The following FAM13C variants were observed in gnomAD, a reference collection of about 807,000 sequenced individuals.
FAM13C encodes protein FAM13C.
FAM13C carries 37 observed loss-of-function variants against 73.2 expected under a neutral mutation model. The ratio of observed to expected loss-of-function variants is 0.51; its 90% CI spans 0.39 to 0.67. The LOEUF (loss-of-function observed/expected upper bound fraction) is 0.67, where lower values mean the gene tolerates loss of function less well. Ranked by LOEUF, FAM13C falls within the 30% of genes least tolerant of loss-of-function variation. The probability of loss-of-function intolerance (pLI) is 0.00; values close to 1 mark genes in which losing one functional copy is unlikely to be tolerated. For synonymous variants in FAM13C, 246 were observed against 260.9 expected (o/e 0.94, Z 0.55); for missense variants, 589 against 715.6 (o/e 0.82, Z 2.02).
rs1841534301 is a variant in FAM13C, at chr10:59,252,903, G to A, written c.1428C>T (p.Leu476=). 3 of 1,614,126 alleles carry A rather than the reference G, an allele frequency of 1.9e-6. No individual in the cohort carries two copies. Among genetic ancestry groups the A allele is most frequent in the Non-Finnish European group, 2.5e-6 (3 of 1,180,012 alleles). The change falls in exon 12 of 14, where the codon CTC becomes CTT. Residue 476 remains leucine, a synonymous_variant. Transcript: ENST00000618804. Reference sequence around the variant, plus strand: ...CAGGCTCAGTCTCATTAGAGTAGGTGAGGTGGTCACCAACAGGAAGGTGAG... The same window carrying A: ...CAGGCTCAGTCTCATTAGAGTAGGTAAGGTGGTCACCAACAGGAAGGTGAG... ...PASHLPVGDH[L]TYSNETEPVR...
chr10:59,336,349 T>C (rs1246562027), intron 3 of FAM13C, among the ~76,000 whole-genome samples: 1 of 152,196 alleles, frequency 6.6e-6, no homozygotes. Flanking sequence ...TATTAAAGTG[T>C]TGGAAATATG....
rs768651858 is a variant in FAM13C at position 59,252,886 on chromosome 10, G to A, written c.1445C>T (p.Thr482Ile). The change falls in exon 12 of 14, where the codon ACT (threonine) becomes ATT (isoleucine). Residue 482 changes from threonine to isoleucine, a missense_variant. By Grantham distance (89) the Thr-to-Ile change is moderately conservative. Coordinates refer to ENST00000618804, the MANE Select transcript of FAM13C (RefSeq NM_198215.4). ...VGDHLTYSNE[T>I]EPVRALLPDE... ...TGGTAAAAGGGCCCTAACAGGCTCA[G>A]TCTCATTAGAGTAGGTGAGGTGGTC... 1.9e-6 allele frequency: 3 copies of A among 1,614,164 alleles called. No homozygotes were observed. The highest frequency in any genetic ancestry group is 3.3e-5 in the Admixed American group (2 of 60,016).
At chr10:59,327,424 C>T (rs1208155690) in intron 3 of FAM13C, among the ~76,000 whole-genome samples, 1 of 152,096 alleles carries the variant, frequency 6.6e-6, no homozygotes, top group East Asian at 1.9e-4. Context: ...CATGAGAAGC[C>T]AAGGCTTACT....
chr10:59,344,118 C>G (rs779037793), intron 3 of FAM13C, among the ~76,000 whole-genome samples: 72 of 151,302 alleles, frequency 4.8e-4, no homozygotes, highest in Non-Finnish European at 9.9e-4. Context: ...CCCGCCACCA[C>G]GCCCAGCTAA....
intron 5 of FAM13C, among the ~76,000 whole-genome samples, chr10:59,299,914 T>C (rs1267223551): frequency 6.6e-6 from 1 of 152,048 alleles, no homozygotes; most frequent in Non-Finnish European, 1.5e-5. Flanking sequence ...ACAAAAAATG[T>C]GGAATAAAAA....
At chr10:59,338,402 T>G (rs1853038144) in intron 3 of FAM13C, among the ~76,000 whole-genome samples, 1 of 152,150 alleles carries the variant, frequency 6.6e-6, no homozygotes, top group African/African-American at 2.4e-5. Context: ...TGTCGGTTGT[T>G]AAAGGAATGA....
At chr10:59,357,786 C>T (rs888933624) in intron 1 of FAM13C, among the ~76,000 whole-genome samples, 8 of 152,112 alleles carry the variant, frequency 5.3e-5, no homozygotes, top group Non-Finnish European at 8.8e-5. Flanking sequence ...TTCTAAAGGA[C>T]ACAAAATTTG....
chr10:59,328,187 T>C (rs548211111), intron 3 of FAM13C, among the ~76,000 whole-genome samples: 2 of 152,314 alleles, frequency 1.3e-5, no homozygotes, highest in South Asian at 4.1e-4. Flanking sequence ...AAGAAAGCTG[T>C]CCATGAAGCA....
chr10:59,316,195 A>G (rs1014510558), intron 4 of FAM13C, among the ~76,000 whole-genome samples: 1 of 152,108 alleles, frequency 6.6e-6, no homozygotes, highest in African/African-American at 2.4e-5. Context: ...TCAGGCTCCC[A>G]AAGTGCTGAG....
At chr10:59,318,400 TTATCTG>T (rs538733771) in intron 4 of FAM13C, among the ~76,000 whole-genome samples, 75 of 152,268 alleles carry the variant, frequency 4.9e-4, no homozygotes, top group African/African-American at 1.7e-3. Context: ...GGAATTATTT[TTATCTG>T]TATCTTCAGG....
intron 1 of FAM13C, among the ~76,000 whole-genome samples, chr10:59,360,012 T>C (rs571584494): frequency 4.6e-5 from 7 of 152,248 alleles, no homozygotes; most frequent in African/African-American, 1.7e-4. Context: ...GATGAAAACA[T>C]TGGGGTGGAA....
chr10:59,347,344 A>T (rs1589705566), intron 3 of FAM13C, among the ~76,000 whole-genome samples: 1 of 152,270 alleles, frequency 6.6e-6, no homozygotes, highest in South Asian at 2.1e-4. Context: ...TTCTTATATA[A>T]GTGGTCATTG....
chr10:59,331,573 T>C (rs1406226404), intron 3 of FAM13C, among the ~76,000 whole-genome samples: 1 of 152,140 alleles, frequency 6.6e-6, no homozygotes, highest in Non-Finnish European at 1.5e-5. Flanking sequence ...CTGAATATTA[T>C]AAGTAAGGCA....
intron 10 of FAM13C, among the ~76,000 whole-genome samples, chr10:59,258,847 T>C (rs1382939832): frequency 2.6e-5 from 4 of 152,166 alleles, no homozygotes; most frequent in African/African-American, 9.7e-5. Context: ...TATTGATTTT[T>C]TCCAGATAAA....
At chr10:59,361,191 G>A in intron 1 of FAM13C, 1 of 954,316 alleles carries the variant, frequency 1.0e-6, no homozygotes. Context: ...ATTTTACATT[G>A]CTTCTTCTAA....
At chr10:59,252,754 CAGA>C in intron 12 of FAM13C, 42 bp downstream of exon 12, 1 of 1,587,004 alleles carries the variant, frequency 6.3e-7, no homozygotes, top group Non-Finnish European at 8.6e-7. Flanking sequence ...GGTATCAGAC[CAGA>C]AGGAGTTAAG....
At chr10:59,337,207 G>A (rs1004384968) in intron 3 of FAM13C, among the ~76,000 whole-genome samples, 2 of 152,202 alleles carry the variant, frequency 1.3e-5, no homozygotes, top group Non-Finnish European at 2.9e-5. Flanking sequence ...TTCACTGCTT[G>A]CTAAATTAGC....
chr10:59,337,672 T>C (rs1238613217), intron 3 of FAM13C, among the ~76,000 whole-genome samples: 1 of 63,576 alleles, frequency 1.6e-5, no homozygotes, highest in Non-Finnish European at 3.0e-5. Context: ...TTTTTCTTTT[T>C]TTTTTTTTTT....
intron 4 of FAM13C, among the ~76,000 whole-genome samples, chr10:59,311,496 T>C (rs1276440274): frequency 5.3e-5 from 8 of 152,158 alleles, no homozygotes; most frequent in Admixed American, 5.2e-4. Context: ...ATACATTCCA[T>C]ACACTTAGTA....
Sources: allele counts gnomAD v4.1 joint callset (sites outside exome capture counted in the v4.1 genomes callset), GRCh38; gene constraint gnomAD v4.1.1; transcripts MANE v1.5; gene names NCBI Gene and HGNC (gene_info 2026-07-23, HGNC 2026-07-21).